The following SORCS2 variants were observed in gnomAD, a reference collection of about 807,000 sequenced individuals.
The protein encoded by SORCS2 is sortilin related VPS10 domain containing receptor 2.
SORCS2 carries 100 observed loss-of-function variants against 141.6 expected under a neutral mutation model. The observed-to-expected ratio is 0.71, with a 90% confidence interval of 0.60 to 0.83. The LOEUF (loss-of-function observed/expected upper bound fraction) is 0.83. Ranked by LOEUF, SORCS2 falls within the 40% of genes least tolerant of loss-of-function variation. The pLI, the probability that SORCS2 is intolerant of heterozygous loss-of-function variation, is 0.00. For synonymous variants in SORCS2, 789 were observed against 676.9 expected (o/e 1.17, Z -2.57); for missense variants, 1,646 against 1,560.2 (o/e 1.05, Z -0.93).
rs188611847 is a variant in SORCS2, at chr4:7,699,535, G to A, written c.1668+2261G>A. On this transcript the variant is annotated intron_variant, in intron 12 of 26. Transcript: ENST00000507866. ...CTCCAGGACTGTTGGGCTCTGGGAA[G>A]CCCACTCTCCTCTCACTGCACCACA... Among the ~76,000 whole-genome samples, 17 of 152,216 alleles carry A rather than the reference G, an allele frequency of 1.1e-4. No individual in the cohort carries two copies. The East Asian group carries it at 2.3e-3, about 21-fold the overall frequency.
intron 3 of SORCS2, among the ~76,000 whole-genome samples, chr4:7,564,808 G>A (rs997694210): frequency 2.0e-5 from 3 of 152,336 alleles, no homozygotes; most frequent in East Asian, 1.9e-4. Flanking sequence ...CATTTTATTC[G>A]AGAAAGAAAA....
intron 3 of SORCS2, among the ~76,000 whole-genome samples, chr4:7,585,426 C>G (rs917092103): frequency 2.0e-5 from 3 of 152,202 alleles, no homozygotes; most frequent in African/African-American, 7.2e-5. Flanking sequence ...CTCTGGGGCC[C>G]TCAGGAGGTG....
chr4:7,385,105 A>G (rs1264303135), intron 1 of SORCS2, among the ~76,000 whole-genome samples: 1 of 152,088 alleles, frequency 6.6e-6, no homozygotes, highest in Non-Finnish European at 1.5e-5. Flanking sequence ...TCAGGGGTGT[A>G]TGGGTAGGAC....
chr4:7,221,884 A>G (rs932103014), intron 1 of SORCS2, among the ~76,000 whole-genome samples: 6 of 152,248 alleles, frequency 3.9e-5, no homozygotes, highest in African/African-American at 1.4e-4. Flanking sequence ...CACTGGTTCA[A>G]TATGGACCAA....
At chr4:7,352,921 C>T (rs988313348) in intron 1 of SORCS2, among the ~76,000 whole-genome samples, 8 of 152,218 alleles carry the variant, frequency 5.3e-5, no homozygotes, top group South Asian at 2.1e-4. Flanking sequence ...AACCTCCTAA[C>T]ACCCTGCACA....
At chr4:7,725,100 G>T (rs1727118373) in intron 19 of SORCS2, 54 bp from the exon 20 acceptor site, 2 of 1,573,306 alleles carry the variant, frequency 1.3e-6, no homozygotes, top group East Asian at 2.2e-5. Flanking sequence ...AGCAGCCTCT[G>T]AAATGCCCCA....
Position 7,399,752 on chromosome 4 carries a change from T to C in SORCS2, c.548+3397T>C, listed in dbSNP as rs73796546. 1.4e-3 allele frequency among the ~76,000 whole-genome samples: 214 copies of C among 151,126 alleles called. 1 individual carries two copies. Among genetic ancestry groups the C allele is most frequent in the African/African-American group, 4.9e-3 (202 of 41,070 alleles). On this transcript the variant is annotated intron_variant, in intron 2 of 26. Transcript: ENST00000507866. ...GTTGAGCAAAGCCCAATGTGTAGAC[T>C]GCGGGGTCTCACCAGAGGCACAAGA...
chr4:7,556,789 C>G (rs549469927), intron 3 of SORCS2, among the ~76,000 whole-genome samples: 4 of 150,740 alleles, frequency 2.7e-5, no homozygotes, highest in African/African-American at 9.8e-5. Flanking sequence ...CCCACCCACA[C>G]ATCCATCCAC....
chr4:7,733,503 G>A (rs1008697348), intron 24 of SORCS2, 82 bp downstream of exon 24: 21 of 1,147,898 alleles, frequency 1.8e-5, no homozygotes, highest in Non-Finnish European at 2.3e-5. Flanking sequence ...CAGGGCCCTC[G>A]GGCAGATGGC....
intron 10 of SORCS2, among the ~76,000 whole-genome samples, chr4:7,687,196 C>T (rs1309944264): frequency 1.3e-5 from 2 of 152,182 alleles, no homozygotes; most frequent in African/African-American, 4.8e-5. Context: ...CGTCCTCTGC[C>T]GGGCACACTG....
rs183927238 is a variant in SORCS2, at chr4:7,510,011, G to A, written c.549-21519G>A. 1.4e-3 allele frequency among the ~76,000 whole-genome samples: 214 copies of A among 152,332 alleles called. 1 individual carries two copies. The highest frequency in any genetic ancestry group is 3.8e-3 in the African/African-American group (159 of 41,574). ...CTCTGTCTTCTCTCTCACCCTTGACGGTGAATTTAATTTAATAGACTGTAA... is the reference window on the plus strand; with the variant it reads ...CTCTGTCTTCTCTCTCACCCTTGACAGTGAATTTAATTTAATAGACTGTAA... On this transcript the variant is annotated intron_variant, in intron 2 of 26. Coordinates refer to ENST00000507866, the MANE Select transcript of SORCS2 (RefSeq NM_020777.3).
rs1352786006 is a variant in SORCS2, at chr4:7,706,444, A to G, written c.1868+2160A>G. On this transcript the variant is annotated intron_variant, in intron 14 of 26. Coordinates refer to ENST00000507866, the MANE Select transcript of SORCS2 (RefSeq NM_020777.3). ...GAGGCTGGGCTCTGTCTGGGCAGGG[A>G]TGAGGCTGGGCAGGGATGAGGCTGG... Among the ~76,000 whole-genome samples the G allele has an allele frequency of 6.6e-4, 59 of 88,834 alleles. 2 individuals are homozygous for G. The highest frequency in any genetic ancestry group is 2.6e-3 in the African/African-American group (54 of 21,116). 58.3% of individuals were successfully genotyped at this position (88,834 alleles called of 152,430 possible).
In SORCS2 at chr4:7,508,527, G is replaced by A. The variant is rs1021339324; in HGVS notation, c.549-23003G>A. On this transcript the variant is annotated intron_variant, in intron 2 of 26. Coordinates refer to ENST00000507866, the MANE Select transcript of SORCS2 (RefSeq NM_020777.3). Reference sequence around the variant, plus strand: ...TAATTTTTGTATTTTTAGTAGAGACGGGGTTTCACCATGTTGGCCAGGCTG... The same window carrying A: ...TAATTTTTGTATTTTTAGTAGAGACAGGGTTTCACCATGTTGGCCAGGCTG... Among the ~76,000 whole-genome samples the A allele has an allele frequency of 3.9e-5, 6 of 152,034 alleles. No homozygotes were observed. The South Asian group carries it at 6.2e-4, about 16-fold the overall frequency.
At chr4:7,724,915 G>GA (rs1727076748) in intron 19 of SORCS2, among the ~76,000 whole-genome samples, 1 of 45,442 alleles carries the variant, frequency 2.2e-5, no homozygotes, top group African/African-American at 1.2e-4. Flanking sequence ...TAGTATTGGT[G>GA]GGAATGGATG....
intron 2 of SORCS2, among the ~76,000 whole-genome samples, chr4:7,498,223 G>A (rs1731751207): frequency 6.6e-6 from 1 of 152,134 alleles, no homozygotes; most frequent in South Asian, 2.1e-4. Context: ...ACCCCTGATG[G>A]CTGTGGGCCA....
intron 2 of SORCS2, among the ~76,000 whole-genome samples, chr4:7,517,713 G>A (rs1232149869): frequency 6.6e-6 from 1 of 152,194 alleles, no homozygotes; most frequent in East Asian, 1.9e-4. Context: ...GAGGCTCAGA[G>A]CATCCCACTG....
chr4:7,386,732 CAT>C lies in SORCS2; in HGVS notation c.481-9553_481-9552del, dbSNP rs546928845. Among the ~76,000 whole-genome samples, 400 of 110,186 alleles carry C rather than the reference CAT, an allele frequency of 3.6e-3. 1 individual carries two copies. The highest frequency in any genetic ancestry group is 0.013 in the African/African-American group (350 of 27,188). 72.3% of individuals were successfully genotyped at this position (110,186 alleles called of 152,430 possible). ...AGAGATACACATGCACATACATACACATATGCACACACATACAGGTACACAGA... is the reference window on the plus strand; with the variant it reads ...AGAGATACACATGCACATACATACACATGCACACACATACAGGTACACAGA... On this transcript the variant is annotated intron_variant, in intron 1 of 26. Transcript: ENST00000507866.
chr4:7,456,418 C>T (rs991214553), intron 2 of SORCS2, among the ~76,000 whole-genome samples: 16 of 152,200 alleles, frequency 1.1e-4, no homozygotes, highest in African/African-American at 3.9e-4. Context: ...GGACAAGCTG[C>T]CCATCCACCT....
chr4:7,463,268 GC>G, intron 2 of SORCS2, among the ~76,000 whole-genome samples: 1 of 152,182 alleles, frequency 6.6e-6, no homozygotes, highest in African/African-American at 2.4e-5. Context: ...TTGCTGCACA[GC>G]CCGTTACTCA....
Sources: gnomAD v4.1 joint callset for allele counts (sites outside exome capture counted in the v4.1 genomes callset) on GRCh38, gnomAD v4.1.1 for gene constraint, MANE v1.5 for transcripts, NCBI Gene and HGNC (gene_info 2026-07-23, HGNC 2026-07-21) for gene names.